CACNA1D: variants seen among roughly 807,000 people sequenced by gnomAD.
The protein encoded by CACNA1D is voltage-dependent L-type calcium channel subunit alpha-1D.
A neutral mutation model predicts 257.1 loss-of-function variants in CACNA1D; 55 were observed. The ratio of observed to expected loss-of-function variants is 0.21; its 90% confidence interval spans 0.17 to 0.27. The LOEUF (loss-of-function observed/expected upper bound fraction) is 0.27. CACNA1D is among the 10% of genes least tolerant of loss of function. CACNA1D has a pLI of 1.00. For synonymous variants in CACNA1D, 980 were observed against 1,014.9 expected (o/e 0.97, Z 0.65); for missense variants, 1,876 against 2,784.0 (o/e 0.67, Z 7.34).
At chr3:53,640,780 G>A (rs1191849008) in intron 3 of CACNA1D, among the ~76,000 whole-genome samples, 1 of 152,244 alleles carries the variant, frequency 6.6e-6, no homozygotes, top group African/African-American at 2.4e-5. Context: ...CCCAGTGGGT[G>A]CTGCCTGAAT....
chr3:53,705,548 A>G (rs1007417577), intron 9 of CACNA1D, among the ~76,000 whole-genome samples: 1 of 152,142 alleles, frequency 6.6e-6, no homozygotes, highest in Non-Finnish European at 1.5e-5. Context: ...CAGAATAGCA[A>G]ATATTTCTGT....
At chr3:53,536,474 G>A (rs1225785635) in intron 3 of CACNA1D, among the ~76,000 whole-genome samples, 1 of 152,146 alleles carries the variant, frequency 6.6e-6, no homozygotes, top group Non-Finnish European at 1.5e-5. Flanking sequence ...GAACTACCAG[G>A]TTAAAAGACA....
At position 53,798,308 on chromosome 3, in the gene CACNA1D, C is replaced by CGCGT. The variant is rs146269805; in HGVS notation, c.4924-1940_4924-1939insCGTG. 6.6e-4 allele frequency among the ~76,000 whole-genome samples: 98 copies of CGCGT among 148,758 alleles called. 1 individual carries two copies. In the East Asian group the frequency reaches 0.012, roughly 18 times the overall value. On this transcript the variant is annotated intron_variant, in intron 40 of 47. Coordinates refer to ENST00000350061, the MANE Select transcript of CACNA1D (RefSeq NM_001128840.3). Reference sequence around the variant, plus strand: ...GAGAGGGAAAGTGTGTGTATGTGTGCGTGTGTGTGTGTGTGTGTGCGTGTG... The same window carrying CGCGT: ...GAGAGGGAAAGTGTGTGTATGTGTGCGCGTGTGTGTGTGTGTGTGTGTGCGTGTG...
chr3:53,807,490 C>T (rs1039159654), intron 45 of CACNA1D: 2 of 152,344 alleles, frequency 1.3e-5, no homozygotes, highest in Non-Finnish European at 2.9e-5. Context: ...CCTGGCTAGG[C>T]CCTGGGCTTT....
At chr3:53,508,575 T>C (rs1192319061) in intron 3 of CACNA1D, among the ~76,000 whole-genome samples, 1 of 152,214 alleles carries the variant, frequency 6.6e-6, no homozygotes, top group Non-Finnish European at 1.5e-5. Context: ...GAGCAAGGCA[T>C]TTCTTTCTTA....
intron 40 of CACNA1D, among the ~76,000 whole-genome samples, chr3:53,794,577 G>A (rs148049908): frequency 5.3e-4 from 80 of 152,310 alleles, no homozygotes; most frequent in Non-Finnish European, 9.1e-4. Context: ...CCTGTTGGAG[G>A]ATAGATTGAT....
intron 42 of CACNA1D, 32 bp downstream of exon 42, chr3:53,801,457 T>C (rs746459826): frequency 6.2e-7 from 1 of 1,611,508 alleles, no homozygotes; most frequent in Non-Finnish European, 8.5e-7. Flanking sequence ...GACTTGCTCA[T>C]GTGGTGTCTG....
At chr3:53,781,496 T>C in intron 38 of CACNA1D, 70 bp from the exon 39 acceptor site, 1 of 1,004,120 alleles carries the variant, frequency 1.0e-6, no homozygotes, top group Non-Finnish European at 1.6e-6. Context: ...GGGACAAGGC[T>C]GTGCAAGCAG....
intron 8 of CACNA1D, among the ~76,000 whole-genome samples, chr3:53,682,895 GA>G (rs1200921668): frequency 1.3e-5 from 2 of 152,152 alleles, no homozygotes; most frequent in Non-Finnish European, 2.9e-5. Context: ...TCAGAAAATG[GA>G]AATAGGATAT....
chr3:53,628,270 T>C (rs1239774539), intron 3 of CACNA1D, among the ~76,000 whole-genome samples: 1 of 152,190 alleles, frequency 6.6e-6, no homozygotes, highest in African/African-American at 2.4e-5. Flanking sequence ...CTCTCTGTGG[T>C]TATTTGTCAA....
At chr3:53,506,617 C>T (rs1418319093) in intron 3 of CACNA1D, among the ~76,000 whole-genome samples, 2 of 152,154 alleles carry the variant, frequency 1.3e-5, no homozygotes, top group African/African-American at 4.8e-5. Flanking sequence ...ATGGTATATT[C>T]TTGTAGATCA....
At chr3:53,598,112 C>A (rs1212157917) in intron 3 of CACNA1D, among the ~76,000 whole-genome samples, 1 of 152,118 alleles carries the variant, frequency 6.6e-6, no homozygotes, top group Non-Finnish European at 1.5e-5. Flanking sequence ...GTTGGCTCAT[C>A]AGTCAGATTC....
chr3:53,673,726 T>C lies in CACNA1D; in HGVS notation c.1220+600T>C. On this transcript the variant is annotated intron_variant, in intron 8 of 47. Transcript: ENST00000350061. The surrounding 1 kb of genome is among the most constrained non-coding windows in gnomAD (Gnocchi z 4.1). ...TACATTTTACAGGTAAATGATGCGA[T>C]AGGATGGGAATGGCCATGGGTGTAT... 1.2e-6 allele frequency: 2 copies of C among 1,612,036 alleles called. No homozygotes were observed. The highest frequency in any genetic ancestry group is 1.7e-6 in the Non-Finnish European group (2 of 1,178,084).
chr3:53,718,250 A>G (rs1437975195), intron 9 of CACNA1D, 51 bp from the exon 10 acceptor site: 2 of 1,515,428 alleles, frequency 1.3e-6, no homozygotes, highest in Non-Finnish European at 1.8e-6. Flanking sequence ...CCTGCCTCCC[A>G]GGCGTGCAGT....
chr3:53,737,225 C>T (rs371978322), intron 20 of CACNA1D, among the ~76,000 whole-genome samples: 7 of 152,144 alleles, frequency 4.6e-5, no homozygotes, highest in South Asian at 4.1e-4. Context: ...GAGCTGAGAT[C>T]GCACCACTGC....
intron 37 of CACNA1D, among the ~76,000 whole-genome samples, chr3:53,779,146 C>A (rs1363209543): frequency 6.6e-6 from 1 of 152,028 alleles, no homozygotes. Context: ...AAAAACATAA[C>A]AAAACAAAAA....
At chr3:53,561,825 C>G (rs1243288060) in intron 3 of CACNA1D, among the ~76,000 whole-genome samples, 2 of 152,092 alleles carry the variant, frequency 1.3e-5, no homozygotes, top group Non-Finnish European at 2.9e-5. Context: ...TAAAGCATTT[C>G]TTAAAGGCTT....
chr3:53,547,841 G>C (rs1202194681), intron 3 of CACNA1D, among the ~76,000 whole-genome samples: 1 of 152,214 alleles, frequency 6.6e-6, no homozygotes, highest in African/African-American at 2.4e-5. Context: ...GAATGACAAG[G>C]CTATGAGGTC....
chr3:53,618,465 G>A (rs1238750783), intron 3 of CACNA1D, among the ~76,000 whole-genome samples: 1 of 152,154 alleles, frequency 6.6e-6, no homozygotes, highest in Non-Finnish European at 1.5e-5. Flanking sequence ...ACCACAGCTC[G>A]CGGTCTGTCC....
Sources: allele counts gnomAD v4.1 joint callset (sites outside exome capture counted in the v4.1 genomes callset), GRCh38; gene constraint gnomAD v4.1.1; non-coding constraint Gnocchi (gnomAD v3.1); transcripts MANE v1.5; gene names NCBI Gene and HGNC (gene_info 2026-07-23, HGNC 2026-07-21).